DERL2: variants seen among roughly 807,000 people sequenced by gnomAD.
The protein encoded by DERL2 is derlin 2, also known as derlin-2.
Under a neutral mutation model 32.0 loss-of-function variants are expected in DERL2, and 13 were observed. The observed-to-expected ratio is 0.41, with a 90% confidence interval of 0.26 to 0.65. DERL2 has a LOEUF of 0.65. Among genes scored for constraint, DERL2 ranks in the 30% least tolerant of loss-of-function variants. The probability of loss-of-function intolerance (pLI) is 0.35; values close to 1 mark genes in which losing one functional copy is unlikely to be tolerated. For synonymous variants in DERL2, 111 were observed against 104.7 expected, an observed-to-expected ratio of 1.06 and a Z score of -0.37; for missense variants, 208 against 296.3, an observed-to-expected ratio of 0.70 and a Z score of 2.19.
intron 6 of DERL2, among the ~76,000 whole-genome samples, chr17:5,478,711 C>T (rs3865351): frequency 0.43 from 65,617 of 152,104 alleles, 16,747 homozygotes; most frequent in African/African-American, 0.72. Context: ...TGTCCATCAA[C>T]AAGGGATTAG....
At position 5,473,187 on chromosome 17, in the gene DERL2, T is replaced by A. The variant is rs1168960746; in HGVS notation, c.*1497A>T. On this transcript the variant is annotated 3_prime_UTR_variant, in exon 7 of 7. Coordinates refer to ENST00000158771, the MANE Select transcript of DERL2 (RefSeq NM_016041.5). ...AGGTTGAATGAACTACTACTAACAA[T>A]CCACTTTTGGGAAAGGGACCTGTGC... The A allele has an allele frequency of 2.0e-5, 3 of 152,152 alleles. No homozygotes were observed. The highest frequency in any genetic ancestry group is 4.8e-5 in the African/African-American group (2 of 41,434). 9.4% of individuals were successfully genotyped at this position (152,152 alleles called of 1,614,324 possible). A position where few individuals can be genotyped will look rare whatever the true frequency, so the allele number is the denominator to read the frequency against.
chr17:5,486,179 G>GCCCCCAC, upstream of DERL2: 1 of 1,540,442 alleles, frequency 6.5e-7, no homozygotes, highest in Non-Finnish European at 8.8e-7. Context: ...ACCGTCGCCT[G>GCCCCCAC]CCCCACCCCC....
rs758492437 is a variant in DERL2 at position 5,472,096 on chromosome 17, G to A, written c.*2588C>T. 6.6e-6 allele frequency: 1 copy of A among 152,188 alleles called. No individual in the cohort carries two copies. The highest frequency in any genetic ancestry group is 1.5e-5 in the Non-Finnish European group (1 of 68,034). 9.4% of individuals were successfully genotyped at this position (152,188 alleles called of 1,614,324 possible). On this transcript the variant is annotated 3_prime_UTR_variant, in exon 7 of 7. Coordinates refer to ENST00000158771, the MANE Select transcript of DERL2 (RefSeq NM_016041.5). Reference sequence around the variant, plus strand: ...AAACGCACCGAAATGTATATAAAATGTATCTCCTAAGGAGATGCAATTTGT... The same window carrying A: ...AAACGCACCGAAATGTATATAAAATATATCTCCTAAGGAGATGCAATTTGT...
chr17:5,486,342 G>C, upstream of DERL2: 1 of 425,734 alleles, frequency 2.3e-6, no homozygotes, highest in South Asian at 3.5e-5. Flanking sequence ...CCAATCACGA[G>C]TTGCGTCGCC....
intron 6 of DERL2, among the ~76,000 whole-genome samples, chr17:5,475,428 T>C (rs1185456134): frequency 1.3e-5 from 2 of 151,700 alleles, no homozygotes; most frequent in African/African-American, 2.4e-5. Flanking sequence ...CCCGGCTGAT[T>C]TTTGTATTTT....
chr17:5,486,736 ACTGGCATAAGCGT>A (rs1906355402), upstream of DERL2: 1 of 152,618 alleles, frequency 6.6e-6, no homozygotes, highest in Non-Finnish European at 1.5e-5. Context: ...GACGGGCGAG[ACTGGCATAAGCGT>A]CTTCGCGAGG....
chr17:5,476,560 T>C (rs1404838426), intron 6 of DERL2, among the ~76,000 whole-genome samples: 1 of 152,128 alleles, frequency 6.6e-6, no homozygotes, highest in African/African-American at 2.4e-5. Flanking sequence ...GGAGGGTGGA[T>C]CACCTGAGGT....
rs1905772262 is a variant in DERL2, at chr17:5,481,385, G to A, written c.238C>T (p.Arg80Cys). The change falls in exon 4 of 7, where the codon CGT (arginine) becomes TGT (cysteine). Residue 80 changes from arginine (R) to cysteine (C), a missense_variant. Arg to Cys is a radical substitution (Grantham distance 180, BLOSUM62 -3). Transcript: ENST00000158771. The surrounding 1 kb of genome is among the most constrained non-coding windows in gnomAD (Gnocchi z 4.4). The stretch of plus-strand genomic sequence containing the variant: ...CCTTCTTCTAGCATTCGACAGTAAC[G>A]ATATCTTAAGTTCCAAGTTAAGAAA... ...NFLFNMIFLYRYCRMLEEGSF... is the reference protein window; with the variant it reads ...NFLFNMIFLYCYCRMLEEGSF... 6.2e-7 allele frequency: 1 copy of A among 1,611,288 alleles called. No individual in the cohort carries two copies. The highest frequency in any genetic ancestry group is 1.3e-5 in the African/African-American group (1 of 74,874).
chr17:5,480,795 TCAAA>T (rs72422307), intron 4 of DERL2: 44,277 of 459,538 alleles, frequency 0.096, 3,136 homozygotes, highest in East Asian at 0.29. Context: ...TACAGCTACT[TCAAA>T]CAAATACTCT....
At position 5,486,116 on chromosome 17, in the gene DERL2, C is replaced by T. The variant is rs943488826; in HGVS notation, c.46G>A (p.Val16Ile). The change falls in exon 1 of 7, where the codon GTC (valine) becomes ATC (isoleucine). Residue 16 changes from valine to isoleucine, a missense_variant. By Grantham distance (29) the Val-to-Ile change is conservative (BLOSUM62 3). Coordinates refer to ENST00000158771, the MANE Select transcript of DERL2 (RefSeq NM_016041.5). Reference protein sequence around the residue: ...LRLEYLQIPPVSRAYTTACVL... With the variant: ...LRLEYLQIPPISRAYTTACVL... ...CAGGCAGTGGTGTAGGCGCGGCTGA[C>T]CGGTGGGATCTGCAGGTACTCCAGC... 1.9e-6 allele frequency: 3 copies of T among 1,611,474 alleles called. No individual in the cohort carries two copies. Among genetic ancestry groups the T allele is most frequent in the Non-Finnish European group, 2.5e-6 (3 of 1,179,082 alleles).
Position 5,474,939 on chromosome 17 carries a change from C to T in DERL2, c.615-150G>A, listed in dbSNP as rs967452988. ...AACAGTTAACATATTGTAAGAGCAT[C>T]TATAATTATTAACATTTACATTAGC... On this transcript the variant is annotated intron_variant, in intron 6 of 6. Transcript: ENST00000158771. This position sits in a 1 kb window ranked among gnomAD's most constrained non-coding sequence, Gnocchi z 4.3. The T allele has an allele frequency of 6.5e-6, 3 of 463,554 alleles. No homozygotes were observed. The highest frequency in any genetic ancestry group is 3.5e-5 in the East Asian group (1 of 28,174). 28.7% of individuals were successfully genotyped at this position (463,554 alleles called of 1,614,324 possible).
At chr17:5,476,342 A>G (rs551155764) in intron 6 of DERL2, among the ~76,000 whole-genome samples, 1 of 152,360 alleles carries the variant, frequency 6.6e-6, no homozygotes, top group South Asian at 2.1e-4. Context: ...ATGAGTTTTT[A>G]AAATTCTTAC....
chr17:5,482,793 A>G lies in DERL2; in HGVS notation c.233+16T>C, dbSNP rs749163877. The G allele has an allele frequency of 4.3e-6, 6 of 1,393,990 alleles. No individual in the cohort carries two copies. The South Asian group carries it at 5.0e-5, about 12-fold the overall frequency. The allele number at this position is 1,393,990 out of a possible 1,614,324, so 86.4% of individuals were successfully genotyped here. On this transcript the variant is annotated intron_variant, in intron 3 of 6. Coordinates refer to ENST00000158771, the MANE Select transcript of DERL2 (RefSeq NM_016041.5). Reference sequence around the variant, plus strand: ...AAGAAAAAGTTTTGATGCTGACCCCATTTAATAAAGGATACAGAAAAATCA... The same window carrying G: ...AAGAAAAAGTTTTGATGCTGACCCCGTTTAATAAAGGATACAGAAAAATCA...
chr17:5,472,563 C>T lies in DERL2; in HGVS notation c.*2121G>A, dbSNP rs1567607926. On this transcript the variant is annotated 3_prime_UTR_variant, in exon 7 of 7. Transcript: ENST00000158771. ...CTATAAAATCGGAGAAATCAAAAAC[C>T]CTGTAACTGCCTGCCTTTAGGCTGT... 2 of 152,154 alleles carry T rather than the reference C, an allele frequency of 1.3e-5. No individual in the cohort carries two copies. The highest frequency in any genetic ancestry group is 4.8e-5 in the African/African-American group (2 of 41,428). 9.4% of individuals were successfully genotyped at this position (152,154 alleles called of 1,614,324 possible). A position where few individuals can be genotyped will look rare whatever the true frequency, so the allele number is the denominator to read the frequency against.
chr17:5,474,644 G>A lies in DERL2; in HGVS notation c.*40C>T, dbSNP rs376886364. ...ATAAAAGATCCCAGTGGGTATCACC[G>A]AGTCCTTCCCAGCTGGGTCTCATTA... is the stretch of plus-strand genomic sequence containing the variant. On this transcript the variant is annotated 3_prime_UTR_variant, in exon 7 of 7. Transcript: ENST00000158771. This position sits in a 1 kb window ranked among gnomAD's most constrained non-coding sequence, Gnocchi z 4.3. The A allele has an allele frequency of 8.1e-6, 12 of 1,485,656 alleles. No homozygotes were observed. The highest frequency in any genetic ancestry group is 7.5e-5 in the Admixed American group (4 of 53,632). The allele number at this position is 1,485,656 out of a possible 1,614,324, so 92.0% of individuals were successfully genotyped here.
At chr17:5,485,962 C>G in intron 1 of DERL2, 107 bp downstream of exon 1, 1 of 998,574 alleles carries the variant, frequency 1.0e-6, no homozygotes, top group South Asian at 1.7e-5. Flanking sequence ...CTCCACCCAT[C>G]CCCGGGACCA....
intron 6 of DERL2, among the ~76,000 whole-genome samples, chr17:5,475,254 T>C (rs940493552): frequency 6.6e-6 from 1 of 151,484 alleles, no homozygotes; most frequent in South Asian, 2.1e-4. Context: ...ACACATATAA[T>C]AGAATTTTTT....
upstream of DERL2, chr17:5,486,365 C>CG (rs1906313901): frequency 2.0e-6 from 1 of 503,708 alleles, no homozygotes; most frequent in African/African-American, 2.0e-5. Flanking sequence ...CGCCCCCCCC[C>CG]AGCGCCCCAT....
intron 6 of DERL2, among the ~76,000 whole-genome samples, chr17:5,479,049 A>G (rs1460245827): frequency 6.6e-6 from 1 of 152,068 alleles, no homozygotes; most frequent in African/African-American, 2.4e-5. Flanking sequence ...CAAACTCCTG[A>G]GTTCAAGTGA....
Sources: gnomAD v4.1 joint callset for allele counts (sites outside exome capture counted in the v4.1 genomes callset) on GRCh38, gnomAD v4.1.1 for gene constraint, Gnocchi (gnomAD v3.1) non-coding constraint, MANE v1.5 for transcripts, NCBI Gene and HGNC (gene_info 2026-07-23, HGNC 2026-07-21) for gene names.